The following EGFR variants were observed in gnomAD, a reference collection of about 807,000 sequenced individuals.
EGFR encodes the protein avian erythroblastic leukemia viral (v-erb-b) oncogene homolog.
EGFR carries 58 observed loss-of-function variants against 143.0 expected under a neutral mutation model. The observed-to-expected ratio is 0.41, with a 90% CI of 0.33 to 0.50. The LOEUF (loss-of-function observed/expected upper bound fraction) is 0.50, where lower values mean the gene tolerates loss of function less well. Ranked by LOEUF, EGFR falls within the 20% of genes least tolerant of loss-of-function variation. The pLI, the probability that EGFR is intolerant of heterozygous loss-of-function variation, is 0.39. For synonymous variants in EGFR, 613 were observed against 594.4 expected, an observed-to-expected ratio of 1.03 and a Z score of -0.45; for missense variants, 1,307 against 1,579.0, an observed-to-expected ratio of 0.83 and a Z score of 2.92.
chr7:55,188,803 G>T (rs1353415279), intron 20 of EGFR: 1 of 152,156 alleles, frequency 6.6e-6, no homozygotes, highest in Non-Finnish European at 1.5e-5. Flanking sequence ...GTTCACATGG[G>T]ATTCTCTCCT....
At position 55,019,068 on chromosome 7, in the gene EGFR, C is replaced by G. The variant is rs566284155; in HGVS notation, c.-210C>G. ...CGCGGCCGCAGCAGCCTCCGCCCCCCGCACGGTGTGAGCGCCCGACGCGGC... is the reference window on the plus strand; with the variant it reads ...CGCGGCCGCAGCAGCCTCCGCCCCCGGCACGGTGTGAGCGCCCGACGCGGC... On this transcript the variant is annotated 5_prime_UTR_variant, in exon 1 of 28. Coordinates refer to ENST00000275493, the MANE Select transcript of EGFR (RefSeq NM_005228.5). 8 of 277,256 alleles carry G rather than the reference C, an allele frequency of 2.9e-5. No individual in the cohort carries two copies. Among genetic ancestry groups the G allele is most frequent in the African/African-American group, 1.6e-4 (7 of 44,710 alleles). The allele number at this position is 277,256 out of a possible 1,614,324, so 17.2% of individuals were successfully genotyped here. A position where few individuals can be genotyped will look rare whatever the true frequency, so the allele number is the denominator to read the frequency against.
chr7:55,126,812 A>C, intron 1 of EGFR, among the ~76,000 whole-genome samples: 1 of 152,240 alleles, frequency 6.6e-6, no homozygotes, highest in East Asian at 1.9e-4. Context: ...TATTTTATAA[A>C]TGTTATCTTG....
intron 1 of EGFR, among the ~76,000 whole-genome samples, chr7:55,141,394 A>AT (rs1794449341): frequency 6.6e-6 from 1 of 151,956 alleles, no homozygotes; most frequent in Non-Finnish European, 1.5e-5. Flanking sequence ...TTAATTTAAA[A>AT]TTTTTTCTTG....
At position 55,068,073 on chromosome 7, in the gene EGFR, C is replaced by CGT. The variant is rs10564333; in HGVS notation, c.88+48720_88+48721dup. 3.1e-3 allele frequency among the ~76,000 whole-genome samples: 456 copies of CGT among 149,204 alleles called. 5 individuals carry two copies. The highest frequency in any genetic ancestry group is 4.9e-3 in the Non-Finnish European group (332 of 67,436). ...GTACATGTATGTACGCGTGTGCATA[C>CGT]GTGTGTGTGTGTGCACAGGTGTGTA... On this transcript the variant is annotated intron_variant, in intron 1 of 27. Transcript: ENST00000275493.
chr7:55,042,564 G>T (rs963724569), intron 1 of EGFR, among the ~76,000 whole-genome samples: 3 of 152,098 alleles, frequency 2.0e-5, no homozygotes, highest in Non-Finnish European at 4.4e-5. Context: ...ATGCAGCATG[G>T]ATGTGGGAAA....
At chr7:55,139,367 T>C (rs2128924457) in intron 1 of EGFR, among the ~76,000 whole-genome samples, 1 of 152,340 alleles carries the variant, frequency 6.6e-6, no homozygotes, top group Non-Finnish European at 1.5e-5. Context: ...TGGTCTCACA[T>C]TAAATTTTCT....
chr7:55,127,890 G>A (rs555563301), intron 1 of EGFR, among the ~76,000 whole-genome samples: 18 of 152,296 alleles, frequency 1.2e-4, no homozygotes, highest in Admixed American at 5.9e-4. Flanking sequence ...TCTCAGCCCC[G>A]GGAAAGGCCA....
rs759057557 is a variant in EGFR at position 55,211,234 on chromosome 7, T to C, written c.*5617T>C. On this transcript the variant is annotated 3_prime_UTR_variant, in exon 28 of 28. Coordinates refer to ENST00000275493, the MANE Select transcript of EGFR (RefSeq NM_005228.5). ...CATTTCTGGATGCATTTACTTATCT[T>C]TAAAAAAAAAGGAATCCTATGACCT... is the stretch of plus-strand genomic sequence containing the variant. 11 of 151,704 alleles carry C rather than the reference T, an allele frequency of 7.3e-5. No homozygotes were observed. Among genetic ancestry groups the C allele is most frequent in the Non-Finnish European group, 1.3e-4 (9 of 67,988 alleles). The allele number at this position is 151,704 out of a possible 1,614,324, so 9.4% of individuals were successfully genotyped here. A position where few individuals can be genotyped will look rare whatever the true frequency, so the allele number is the denominator to read the frequency against.
chr7:55,194,144 G>T (rs1787516829), intron 22 of EGFR, among the ~76,000 whole-genome samples: 1 of 151,938 alleles, frequency 6.6e-6, no homozygotes, highest in Non-Finnish European at 1.5e-5. Flanking sequence ...TCCAGGCACA[G>T]CCCGGTCTCC....
intron 19 of EGFR, chr7:55,181,043 G>T (rs1786839760): frequency 5.1e-6 from 3 of 586,982 alleles, no homozygotes. Context: ...GGCCACTGTT[G>T]CCTGGGCCTC....
intron 1 of EGFR, among the ~76,000 whole-genome samples, chr7:55,134,638 T>C (rs1794038527): frequency 6.6e-6 from 1 of 152,246 alleles, no homozygotes; most frequent in African/African-American, 2.4e-5. Flanking sequence ...TTGTTTCTTA[T>C]AGTCCAATAA....
intron 22 of EGFR, among the ~76,000 whole-genome samples, chr7:55,196,734 A>G (rs1386722964): frequency 1.3e-5 from 2 of 149,214 alleles, no homozygotes; most frequent in African/African-American, 4.9e-5. Context: ...AATCTTCTTC[A>G]TGGCTAGCTA....
chr7:55,181,253 C>G (rs1408117158), intron 19 of EGFR, 40 bp from the exon 20 acceptor site: 1 of 1,612,270 alleles, frequency 6.2e-7, no homozygotes, highest in Non-Finnish European at 8.5e-7. Context: ...CTTCTGGCCA[C>G]CATGCGAAGC....
chr7:55,019,911 G>A (rs1393640295), intron 1 of EGFR, among the ~76,000 whole-genome samples: 2 of 152,154 alleles, frequency 1.3e-5, no homozygotes, highest in African/African-American at 2.4e-5. Flanking sequence ...GGCTTTCTGA[G>A]AGGACCTCCC....
intron 1 of EGFR, among the ~76,000 whole-genome samples, chr7:55,079,734 C>T (rs1790356577): frequency 6.6e-6 from 1 of 152,078 alleles, no homozygotes. Flanking sequence ...ATCATTCCCA[C>T]GGAACCTTAA....
chr7:55,163,366 C>T (rs1031552092), intron 13 of EGFR, among the ~76,000 whole-genome samples: 3 of 152,188 alleles, frequency 2.0e-5, no homozygotes, highest in Non-Finnish European at 4.4e-5. Flanking sequence ...TTTTCTATCA[C>T]TTAATCTAAA....
At chr7:55,052,557 C>T (rs1483889176) in intron 1 of EGFR, among the ~76,000 whole-genome samples, 2 of 152,242 alleles carry the variant, frequency 1.3e-5, no homozygotes, top group Admixed American at 6.5e-5. Flanking sequence ...GCTGAAGGCA[C>T]ACTAAGTGCT....
intron 1 of EGFR, among the ~76,000 whole-genome samples, chr7:55,095,410 C>A (rs989026073): frequency 2.6e-5 from 4 of 152,168 alleles, no homozygotes; most frequent in Admixed American, 2.6e-4. Flanking sequence ...CACAGGCAGG[C>A]GTGCCACAGT....
chr7:55,176,913 ATCTC>A lies in EGFR; in HGVS notation c.2283+2099_2283+2102del, dbSNP rs1159041824. On this transcript the variant is annotated intron_variant, in intron 19 of 27. Coordinates refer to ENST00000275493, the MANE Select transcript of EGFR (RefSeq NM_005228.5). ...TAGAGATATATATCTCTAAATATAT[ATCTC>A]TCTCTAAATATATATATATCTCTCT... 2.7e-5 allele frequency among the ~76,000 whole-genome samples: 4 copies of A among 147,360 alleles called. No individual in the cohort carries two copies. In the East Asian group the frequency reaches 5.9e-4, roughly 22 times the overall value.
Sources: allele counts gnomAD v4.1 joint callset (sites outside exome capture counted in the v4.1 genomes callset), GRCh38; gene constraint gnomAD v4.1.1; transcripts MANE v1.5; gene names NCBI Gene and HGNC (gene_info 2026-07-23, HGNC 2026-07-21).